The following PSD2 variants were observed in gnomAD, a reference collection of about 807,000 sequenced individuals.
PSD2 encodes the protein PH and SEC7 domain-containing protein 2.
A neutral mutation model predicts 69.8 loss-of-function variants in PSD2; 38 were observed. The observed-to-expected ratio is 0.54, with a 90% CI of 0.42 to 0.71. The LOEUF is 0.71. Among genes scored for constraint, PSD2 ranks in the 30% least tolerant of loss-of-function variants. The pLI is 0.00. For missense variants in PSD2, 943 were observed against 1,014.5 expected (o/e 0.93, Z 0.96); for synonymous variants, 412 against 423.0 (o/e 0.97, Z 0.32).
Position 139,814,205 on chromosome 5 carries a change from A to T in PSD2, c.857A>T (p.Asp286Val), listed in dbSNP as rs772664620. 1.9e-6 allele frequency: 3 copies of T among 1,613,312 alleles called. No individual in the cohort carries two copies. The East Asian group carries it at 6.7e-5, about 36-fold the overall frequency. ...CTGAAGGATGGCCTGTCAGACTCAG[A>T]CTCTGAGCTCAGCAGCTCGGAGGGG... ...PSLKDGLSDS[D>V]SELSSSEGLE... The change falls in exon 4 of 15, where the codon GAC (aspartate) becomes GTC (valine). Residue 286 changes from aspartate to valine, a missense_variant. By Grantham distance (152) the Asp-to-Val change is radical. Transcript: ENST00000274710. The surrounding 1 kb of genome is among the most constrained non-coding windows in gnomAD (Gnocchi z 4.4).
At chr5:139,804,700 T>C (rs146650545) in intron 1 of PSD2, among the ~76,000 whole-genome samples, 116 of 152,324 alleles carry the variant, frequency 7.6e-4, no homozygotes, top group African/African-American at 2.7e-3. Context: ...TTTTCTCTGA[T>C]CCCAGTCCCT....
In PSD2 at chr5:139,836,991, T is replaced by C; in HGVS notation, c.1584T>C (p.Asp528=). The change falls in exon 10 of 15, where the codon GAT becomes GAC. Residue 528 remains aspartate, a synonymous_variant. Coordinates refer to ENST00000274710, the MANE Select transcript of PSD2 (RefSeq NM_032289.4). ...CCCGGAAGACTCACGCTGACATGGA[T>C]GGCAAGAGGAGTGGGTGTCAGGCTG... is the stretch of plus-strand genomic sequence containing the variant. The part of the protein sequence containing the change: ...VLTRKTHADM[D]GKRTPRGRRG... The C allele has an allele frequency of 6.2e-7, 1 of 1,611,834 alleles. No homozygotes were observed. The highest frequency in any genetic ancestry group is 1.3e-5 in the African/African-American group (1 of 74,870).
the PSD2 span, among the ~76,000 whole-genome samples, chr5:139,753,921 C>A: frequency 1.3e-5 from 2 of 151,992 alleles, no homozygotes; most frequent in South Asian, 4.2e-4. Context: ...ACCGCAAACT[C>A]CGCCTCCCAG....
Position 139,837,604 on chromosome 5 carries a change from C to T in PSD2, c.1666-21C>T, listed in dbSNP as rs757156174. 6.3e-6 allele frequency: 10 copies of T among 1,577,164 alleles called. No individual in the cohort carries two copies. Among genetic ancestry groups the T allele is most frequent in the African/African-American group, 4.0e-5 (3 of 74,246 alleles). On this transcript the variant is annotated intron_variant, in intron 11 of 14. Transcript: ENST00000274710. This position sits in a 1 kb window ranked among gnomAD's most constrained non-coding sequence, Gnocchi z 5.0. The stretch of plus-strand genomic sequence containing the variant: ...AAGGTGTGGGTCAGTGACCCTAGCT[C>T]GCCCATCCTGCCCCACCCAGGATGA...
At chr5:139,763,619 A>T in the PSD2 span, among the ~76,000 whole-genome samples, 1 of 152,144 alleles carries the variant, frequency 6.6e-6, no homozygotes, top group Non-Finnish European at 1.5e-5. Context: ...ATAGTCAGGC[A>T]TGCCCTCCCT....
the PSD2 span, among the ~76,000 whole-genome samples, chr5:139,785,519 C>T: frequency 4.6e-5 from 7 of 152,342 alleles, no homozygotes; most frequent in South Asian, 2.1e-4. Context: ...CCACCGTGCC[C>T]GGCCCTCATT....
chr5:139,758,069 A>C, the PSD2 span, among the ~76,000 whole-genome samples: 1 of 152,152 alleles, frequency 6.6e-6, no homozygotes. Flanking sequence ...AAACAAAAAA[A>C]CCAAATGGTT....
At chr5:139,766,808 G>T in the PSD2 span, among the ~76,000 whole-genome samples, 1 of 136,392 alleles carries the variant, frequency 7.3e-6, no homozygotes, top group Admixed American at 7.8e-5. Context: ...GCCTGGGTTT[G>T]AGTCTGGGCA....
chr5:139,754,982 T>A, the PSD2 span, among the ~76,000 whole-genome samples: 377 of 152,330 alleles, frequency 2.5e-3, 3 homozygotes, highest in African/African-American at 8.8e-3. Flanking sequence ...GGGTCCGGGC[T>A]GCCCCCAAGG....
In PSD2 at chr5:139,837,025, G is replaced by T. The variant is rs1444270490; in HGVS notation, c.1594+24G>T. On this transcript the variant is annotated intron_variant, in intron 10 of 14. Transcript: ENST00000274710. This position sits in a 1 kb window ranked among gnomAD's most constrained non-coding sequence, Gnocchi z 5.0. ...GAGTGGGTGTCAGGCTGGGAGAGGG[G>T]CATGGGAGGGAGGCTGGCACAGAGG... 2 of 1,606,106 alleles carry T rather than the reference G, an allele frequency of 1.2e-6. No individual in the cohort carries two copies. Among genetic ancestry groups the T allele is most frequent in the African/African-American group, 1.3e-5 (1 of 74,946 alleles).
chr5:139,816,922 G>A (rs1020908956), intron 4 of PSD2, among the ~76,000 whole-genome samples: 2 of 152,186 alleles, frequency 1.3e-5, no homozygotes, highest in Non-Finnish European at 2.9e-5. Context: ...TGGTCATGCC[G>A]CACGTCCATT....
At chr5:139,830,680 CTTTCT>C (rs1157766976) in intron 7 of PSD2, among the ~76,000 whole-genome samples, 1 of 118,702 alleles carries the variant, frequency 8.4e-6, no homozygotes. Context: ...ATTTCTCTTT[CTTTCT>C]TTTCTTTTTT....
the PSD2 span, among the ~76,000 whole-genome samples, chr5:139,751,362 T>C: frequency 1.3e-5 from 2 of 152,104 alleles, no homozygotes; most frequent in South Asian, 4.1e-4. Context: ...TTCTTTGGCA[T>C]CTACTGTGTG....
chr5:139,747,717 C>CGCCG, the PSD2 span, among the ~76,000 whole-genome samples: 2 of 152,236 alleles, frequency 1.3e-5, no homozygotes, highest in Non-Finnish European at 2.9e-5. This position sits in a 1 kb window ranked among gnomAD's most constrained non-coding sequence, Gnocchi z 6.7. Context: ...CAATTTATCT[C>CGCCG]GCCGCCAAAG....
chr5:139,744,141 G>A, the PSD2 span, among the ~76,000 whole-genome samples: 1 of 152,176 alleles, frequency 6.6e-6, no homozygotes, highest in African/African-American at 2.4e-5. Context: ...GGGGAAGTAT[G>A]AGACGACCCC....
At position 139,842,365 on chromosome 5, in the gene PSD2, T is replaced by C; in HGVS notation, c.2207T>C (p.Leu736Pro). 1.2e-6 allele frequency: 2 copies of C among 1,614,238 alleles called. No homozygotes were observed. The highest frequency in any genetic ancestry group is 1.7e-6 in the Non-Finnish European group (2 of 1,180,036). The change falls in exon 15 of 15, where the codon CTG becomes CCG. Residue 736 changes from leucine (L) to proline (P), a missense_variant. This residue lies in a region of PSD2 where 165 missense variants were observed against 168.8 expected (regional missense o/e 0.98). Coordinates refer to ENST00000274710, the MANE Select transcript of PSD2 (RefSeq NM_032289.4). ...CGGATTGAGGCCCGGCTGGCCACTC[T>C]GGAAGGGGATGACCCTTCTCTCCGG... ...LERIEARLAT[L>P]EGDDPSLRKT...
intron 1 of PSD2, among the ~76,000 whole-genome samples, chr5:139,801,377 C>A (rs1165844349): frequency 1.3e-5 from 2 of 152,162 alleles, no homozygotes; most frequent in African/African-American, 4.8e-5. Flanking sequence ...TGTCGCTGCA[C>A]CCAGTGGTCA....
At chr5:139,765,107 C>G in the PSD2 span, among the ~76,000 whole-genome samples, 4 of 151,988 alleles carry the variant, frequency 2.6e-5, no homozygotes, top group Admixed American at 1.3e-4. Flanking sequence ...TGCCATATCC[C>G]CAGACCCACT....
intron 7 of PSD2, among the ~76,000 whole-genome samples, chr5:139,826,389 G>A (rs1038378183): frequency 7.9e-5 from 12 of 152,312 alleles, no homozygotes; most frequent in Admixed American, 7.8e-4. Flanking sequence ...GGAGAGAGAA[G>A]GGACAGTGGA....
Sources: allele counts gnomAD v4.1 joint callset (sites outside exome capture counted in the v4.1 genomes callset), GRCh38; gene constraint gnomAD v4.1.1; regional missense constraint gnomAD v4.1.1; non-coding constraint Gnocchi (gnomAD v3.1); transcripts MANE v1.5; gene names NCBI Gene and HGNC (gene_info 2026-07-23, HGNC 2026-07-21).